The following LRRC8C variants were observed in gnomAD, a reference collection of about 807,000 sequenced individuals.
LRRC8C encodes volume-regulated anion channel subunit LRRC8C.
LRRC8C carries 20 observed loss-of-function variants against 55.3 expected under a neutral mutation model. The observed-to-expected ratio is 0.36, with a 90% CI of 0.25 to 0.53. The LOEUF is 0.53. Ranked by LOEUF, LRRC8C falls within the 20% of genes least tolerant of loss-of-function variation. The pLI is 0.92. For synonymous variants in LRRC8C, 376 were observed against 360.7 expected (o/e 1.04, Z -0.48); for missense variants, 659 against 951.4 (o/e 0.69, Z 4.04).
At position 89,715,655 on chromosome 1, in the gene LRRC8C, C is replaced by G. The variant is rs1658797562; in HGVS notation, c.*673C>G. 1 of 152,036 alleles carries G rather than the reference C, an allele frequency of 6.6e-6. No homozygotes were observed. Among genetic ancestry groups the G allele is most frequent in the South Asian group, 2.1e-4 (1 of 4,828 alleles). The allele number at this position is 152,036 out of a possible 1,614,324, so 9.4% of individuals were successfully genotyped here. A position where few individuals can be genotyped will look rare whatever the true frequency, so the allele number is the denominator to read the frequency against. On this transcript the variant is annotated 3_prime_UTR_variant, in exon 3 of 3. Transcript: ENST00000370454. Reference sequence around the variant, plus strand: ...ATCATTTAACTTATTTGCATTTTACCAACATTTTAAAAATATTTAAAACCT... The same window carrying G: ...ATCATTTAACTTATTTGCATTTTACGAACATTTTAAAAATATTTAAAACCT...
the LRRC8C span, among the ~76,000 whole-genome samples, chr1:89,617,258 G>C: frequency 6.6e-6 from 1 of 152,146 alleles, no homozygotes. Context: ...GAGAAACTAA[G>C]TGATGAAGGA....
chr1:89,686,642 G>T, intron 2 of LRRC8C, 31 bp downstream of exon 2: 1 of 1,612,062 alleles, frequency 6.2e-7, no homozygotes, highest in Non-Finnish European at 8.5e-7. Flanking sequence ...CAAAATGGGG[G>T]CCAGAGCAAA....
chr1:89,656,175 C>T (rs1250489350), intron 1 of LRRC8C, among the ~76,000 whole-genome samples: 3 of 152,202 alleles, frequency 2.0e-5, no homozygotes, highest in African/African-American at 7.2e-5. Flanking sequence ...AAGAACTCTC[C>T]CTTGAGGGGA....
At chr1:89,646,714 T>C (rs984935445) in intron 1 of LRRC8C, among the ~76,000 whole-genome samples, 2 of 152,108 alleles carry the variant, frequency 1.3e-5, no homozygotes, top group Admixed American at 1.3e-4. Context: ...TTATATCTTC[T>C]CTCATCACTT....
chr1:89,686,514 A>C lies in LRRC8C; in HGVS notation c.41A>C (p.Gln14Pro). ...VTEFRQFSEQ[Q>P]PAFRVLKPWW... ...GAATTCCGGCAGTTCTCTGAGCAGC[A>C]GCCTGCCTTCCGAGTGCTGAAGCCA... is the stretch of plus-strand genomic sequence containing the variant. Residue 14 changes from glutamine to proline, a missense_variant, in exon 2 of 3, where the codon CAG becomes CCG. Transcript: ENST00000370454. 6.2e-7 allele frequency: 1 copy of C among 1,614,228 alleles called. No homozygotes were observed. Among genetic ancestry groups the C allele is most frequent in the Non-Finnish European group, 8.5e-7 (1 of 1,180,028 alleles).
Position 89,651,440 on chromosome 1 carries a change from C to T in LRRC8C, c.-5+18118C>T, listed in dbSNP as rs372155781. Among the ~76,000 whole-genome samples the T allele has an allele frequency of 8.3e-4, 126 of 150,916 alleles. 8 individuals carry two copies. In the South Asian group the frequency reaches 0.026, roughly 31 times the overall value. Reference sequence around the variant, plus strand: ...AAAATTAGCCGGGCATGGTGGCGGGCGCCTCTACTCCCAGCTACTCGGGAG... The same window carrying T: ...AAAATTAGCCGGGCATGGTGGCGGGTGCCTCTACTCCCAGCTACTCGGGAG... On this transcript the variant is annotated intron_variant, in intron 1 of 2. Transcript: ENST00000370454.
intron 1 of LRRC8C, among the ~76,000 whole-genome samples, chr1:89,672,961 C>G (rs1657461113): frequency 6.6e-6 from 1 of 152,170 alleles, no homozygotes; most frequent in South Asian, 2.1e-4. Context: ...ACAGTTGTTT[C>G]ATAAACCCTG....
chr1:89,713,409 A>C lies in LRRC8C; in HGVS notation c.839A>C (p.Asn280Thr), dbSNP rs934150548. The C allele has an allele frequency of 6.8e-6, 11 of 1,614,234 alleles. No individual in the cohort carries two copies. Among genetic ancestry groups the C allele is most frequent in the Non-Finnish European group, 9.3e-6 (11 of 1,180,030 alleles). The change falls in exon 3 of 3, where the codon AAT (asparagine) becomes ACT (threonine). Residue 280 changes from asparagine (N) to threonine (T), a missense_variant. This residue lies in a region of LRRC8C where 200 missense variants were observed against 360.5 expected (regional missense o/e 0.55). Transcript: ENST00000370454. The surrounding 1 kb of genome is among the most constrained non-coding windows in gnomAD (Gnocchi z 5.2). ...VIKFLIIIAYNSALVSKVQFT... is the reference protein window; with the variant it reads ...VIKFLIIIAYTSALVSKVQFT... ...AAATTCCTAATCATCATTGCATATA[A>C]TAGTGCTCTGGTTTCCAAGGTCCAG...
chr1:89,713,307 A>G lies in LRRC8C; in HGVS notation c.737A>G (p.Lys246Arg). ...GCTAAGGCCTTATTTGAGAAGGTGA[A>G]GAAGTTCAGGCTGCATGTGGAAGAA... is the stretch of plus-strand genomic sequence containing the variant. ...EQAKALFEKV[K>R]KFRLHVEEGD... Residue 246 changes from lysine (K) to arginine (R), a missense_variant, in exon 3 of 3, where the codon AAG (lysine) becomes AGG (arginine). Physicochemically the swap from Lys to Arg is conservative, Grantham distance 26. Coordinates refer to ENST00000370454, the MANE Select transcript of LRRC8C (RefSeq NM_032270.5). This position sits in a 1 kb window ranked among gnomAD's most constrained non-coding sequence, Gnocchi z 5.2. The G allele has an allele frequency of 6.2e-7, 1 of 1,614,252 alleles. No individual in the cohort carries two copies. The highest frequency in any genetic ancestry group is 1.3e-5 in the African/African-American group (1 of 75,062).
chr1:89,624,656 C>T, the LRRC8C span, among the ~76,000 whole-genome samples: 1 of 152,220 alleles, frequency 6.6e-6, no homozygotes, highest in East Asian at 1.9e-4. Flanking sequence ...GACAGATATT[C>T]ATTAAATGAG....
chr1:89,709,986 C>T (rs922554379), intron 2 of LRRC8C, among the ~76,000 whole-genome samples: 13 of 152,116 alleles, frequency 8.5e-5, no homozygotes, highest in African/African-American at 3.1e-4. Flanking sequence ...CTCCTGACCT[C>T]GTGATCCACC....
intron 1 of LRRC8C, among the ~76,000 whole-genome samples, chr1:89,668,650 G>A (rs768107416): frequency 6.6e-6 from 1 of 152,278 alleles, no homozygotes; most frequent in East Asian, 1.9e-4. Context: ...AATGAAATGA[G>A]CTTGGACATT....
At chr1:89,694,924 CTT>C (rs113354519) in intron 2 of LRRC8C, among the ~76,000 whole-genome samples, 45 of 128,186 alleles carry the variant, frequency 3.5e-4, no homozygotes, top group African/African-American at 3.3e-4. Flanking sequence ...AGTATAAAGA[CTT>C]TTTTTTTTTT....
chr1:89,712,803 C>T lies in LRRC8C; in HGVS notation c.233C>T (p.Thr78Ile), dbSNP rs143184655. 4.2e-4 allele frequency: 683 copies of T among 1,614,142 alleles called. 5 individuals are homozygous for T. The African/African-American group carries it at 7.7e-3, about 18-fold the overall frequency. Residue 78 changes from threonine (T) to isoleucine (I), a missense_variant, in exon 3 of 3, where the codon ACC becomes ATC. Around this residue, in one of 5 missense-constraint regions of LRRC8C, gnomAD observed 82 missense variants for 71.4 expected, o/e 1.15. Coordinates refer to ENST00000370454, the MANE Select transcript of LRRC8C (RefSeq NM_032270.5). Reference sequence around the variant, plus strand: ...AATGTCTCTCAAGCAGTTGCCAGTACCACTCCACTGCCTCCACCTAAACCA... The same window carrying T: ...AATGTCTCTCAAGCAGTTGCCAGTATCACTCCACTGCCTCCACCTAAACCA... ...LSNVSQAVAS[T>I]TPLPPPKPSP...
intron 1 of LRRC8C, among the ~76,000 whole-genome samples, chr1:89,664,737 A>G (rs1411520317): frequency 1.3e-5 from 2 of 152,150 alleles, no homozygotes; most frequent in African/African-American, 2.4e-5. Flanking sequence ...TTTGGGCAGT[A>G]TGGCCATTTT....
chr1:89,714,412 C>T lies in LRRC8C; in HGVS notation c.1842C>T (p.Leu614=). ...IPHAVFSLLS[L]QELDLKENNL... ...ATGCTGTGTTCAGCCTACTCAGCCT[C>T]CAGGAATTGGACCTGAAGGAAAACA... The change falls in exon 3 of 3, where the codon CTC becomes CTT. Residue 614 remains leucine (L), a synonymous_variant. Coordinates refer to ENST00000370454, the MANE Select transcript of LRRC8C (RefSeq NM_032270.5). This position sits in a 1 kb window ranked among gnomAD's most constrained non-coding sequence, Gnocchi z 4.6. The T allele has an allele frequency of 1.2e-6, 2 of 1,614,084 alleles. No homozygotes were observed.
At position 89,719,164 on chromosome 1, in the gene LRRC8C, G is replaced by C. The variant is rs891006535; in HGVS notation, c.*4182G>C. 1.3e-5 allele frequency: 2 copies of C among 152,150 alleles called. No individual in the cohort carries two copies. Among genetic ancestry groups the C allele is most frequent in the African/African-American group, 2.4e-5 (1 of 41,440 alleles). The allele number at this position is 152,150 out of a possible 1,614,324, so 9.4% of individuals were successfully genotyped here. ...TTTATCAGAATACCTTGAAAGGGGG[G>C]TATATAAATTTGGAAAACTTAATTT... is the stretch of plus-strand genomic sequence containing the variant. On this transcript the variant is annotated 3_prime_UTR_variant, in exon 3 of 3. Transcript: ENST00000370454.
chr1:89,625,283 T>G, the LRRC8C span: 1 of 152,214 alleles, frequency 6.6e-6, no homozygotes, highest in Non-Finnish European at 1.5e-5. Flanking sequence ...GAAGACATCT[T>G]TCCCAATCCT....
rs1424981379 is a variant in LRRC8C at position 89,714,032 on chromosome 1, T to C, written c.1462T>C (p.Phe488Leu). 1 of 1,613,728 alleles carries C rather than the reference T, an allele frequency of 6.2e-7. No homozygotes were observed. Among genetic ancestry groups the C allele is most frequent in the Admixed American group, 1.7e-5 (1 of 60,024 alleles). The change falls in exon 3 of 3, where the codon TTC becomes CTC. Residue 488 changes from phenylalanine (F) to leucine (L), a missense_variant. This residue lies in a region of LRRC8C where 344 missense variants were observed against 464.6 expected (regional missense o/e 0.74). Coordinates refer to ENST00000370454, the MANE Select transcript of LRRC8C (RefSeq NM_032270.5). This position sits in a 1 kb window ranked among gnomAD's most constrained non-coding sequence, Gnocchi z 4.6. ...CAAAATCCACAGTGCGGCGCTCTCTTTCCTGAAGGAAAACCTCAAGGTCTT... is the reference window on the plus strand; with the variant it reads ...CAAAATCCACAGTGCGGCGCTCTCTCTCCTGAAGGAAAACCTCAAGGTCTT... ...SVKIHSAALS[F>L]LKENLKVLSV...
Sources: gnomAD v4.1 joint callset for allele counts (sites outside exome capture counted in the v4.1 genomes callset) on GRCh38, gnomAD v4.1.1 for gene constraint, gnomAD v4.1.1 regional missense constraint, Gnocchi (gnomAD v3.1) non-coding constraint, MANE v1.5 for transcripts, NCBI Gene and HGNC (gene_info 2026-07-23, HGNC 2026-07-21) for gene names.